The following KIAA0930 variants were observed in gnomAD, a reference collection of about 807,000 sequenced individuals.
KIAA0930 encodes uncharacterized protein KIAA0930.
KIAA0930 carries 24 observed loss-of-function variants against 43.9 expected under a neutral mutation model. The ratio of observed to expected loss-of-function variants is 0.55; its 90% CI spans 0.40 to 0.77. KIAA0930 has a LOEUF of 0.77. Ranked by LOEUF, KIAA0930 falls within the 30% of genes least tolerant of loss-of-function variation. The pLI, the probability that KIAA0930 is intolerant of heterozygous loss-of-function variation, is 0.00. For synonymous variants in KIAA0930, 259 were observed against 216.4 expected (o/e 1.20, Z -1.73); for missense variants, 461 against 574.2 (o/e 0.80, Z 2.02).
intron 1 of KIAA0930, among the ~76,000 whole-genome samples, chr22:45,215,901 G>A (rs558631337): frequency 2.0e-5 from 3 of 152,304 alleles, no homozygotes; most frequent in East Asian, 1.9e-4. Flanking sequence ...GGAGGCGGGT[G>A]CCTGTAGTCC....
In KIAA0930 at chr22:45,194,651, T is replaced by C. The variant is rs1207038776; in HGVS notation, c.*2525A>G. The C allele has an allele frequency of 6.6e-6, 1 of 152,240 alleles. No homozygotes were observed. The highest frequency in any genetic ancestry group is 1.5e-5 in the Non-Finnish European group (1 of 68,046). The allele number at this position is 152,240 out of a possible 1,614,324, so 9.4% of individuals were successfully genotyped here. A position where few individuals can be genotyped will look rare whatever the true frequency, so the allele number is the denominator to read the frequency against. ...TTACTTTATTCCACATGTCATCTGT[T>C]ACTTTGGAAAAACAAACCTGGGAGT... On this transcript the variant is annotated 3_prime_UTR_variant, in exon 10 of 10. Transcript: ENST00000336156.
chr22:45,211,712 G>A (rs930341720), intron 2 of KIAA0930, among the ~76,000 whole-genome samples: 27 of 152,156 alleles, frequency 1.8e-4, no homozygotes, highest in African/African-American at 6.0e-4. Context: ...CGACGGTGAC[G>A]GCAATCACTG....
In KIAA0930 at chr22:45,203,150, G is replaced by A. The variant is rs1240339142; in HGVS notation, c.692C>T (p.Ser231Leu). Residue 231 changes from serine (S) to leucine (L), a missense_variant, in exon 7 of 10, where the codon TCG becomes TTG. By Grantham distance (145) the Ser-to-Leu change is moderately radical. Coordinates refer to ENST00000336156, the MANE Select transcript of KIAA0930 (RefSeq NM_001009880.2). ...SVAARMAQKM[S>L]FGFYKYSNME... ...GTTGCTGTACTTGTAGAAGCCAAAC[G>A]ACATCTTCTGTGCCATGCGGGCGGC... 3.1e-6 allele frequency: 5 copies of A among 1,612,446 alleles called. No homozygotes were observed. Among genetic ancestry groups the A allele is most frequent in the South Asian group, 1.1e-5 (1 of 90,780 alleles).
chr22:45,239,007 A>C (rs1243965858), intron 1 of KIAA0930, among the ~76,000 whole-genome samples: 1 of 152,234 alleles, frequency 6.6e-6, no homozygotes, highest in South Asian at 2.1e-4. Context: ...CCCGGCACAT[A>C]GTAAGTGCTC....
chr22:45,213,069 C>A (rs1739500668), intron 1 of KIAA0930, among the ~76,000 whole-genome samples: 1 of 152,228 alleles, frequency 6.6e-6, no homozygotes, highest in South Asian at 2.1e-4. Flanking sequence ...AGGCACTAAT[C>A]CCGACACTTA....
intron 1 of KIAA0930, among the ~76,000 whole-genome samples, chr22:45,216,495 C>T (rs1425339234): frequency 1.3e-5 from 2 of 152,170 alleles, no homozygotes; most frequent in Admixed American, 1.3e-4. Context: ...GTCAGTGGAT[C>T]CCAAACCTTC....
chr22:45,198,637 G>A (rs986276094), intron 8 of KIAA0930, among the ~76,000 whole-genome samples: 5 of 152,176 alleles, frequency 3.3e-5, no homozygotes, highest in Non-Finnish European at 4.4e-5. Context: ...AGTTGTCAGC[G>A]AATCCTTCAC....
intron 2 of KIAA0930, among the ~76,000 whole-genome samples, chr22:45,206,648 T>C (rs1454983160): frequency 6.6e-6 from 1 of 151,808 alleles, no homozygotes; most frequent in Non-Finnish European, 1.5e-5. Flanking sequence ...AATAAATACA[T>C]ATCAGAGAGA....
At chr22:45,224,957 C>A (rs572217735) in intron 1 of KIAA0930, among the ~76,000 whole-genome samples, 1 of 152,168 alleles carries the variant, frequency 6.6e-6, no homozygotes, top group East Asian at 1.9e-4. Context: ...CGTGGGGTGG[C>A]CTGCAGATGC....
At chr22:45,222,853 T>C (rs1177107987) in intron 1 of KIAA0930, among the ~76,000 whole-genome samples, 1 of 152,130 alleles carries the variant, frequency 6.6e-6, no homozygotes, top group African/African-American at 2.4e-5. Flanking sequence ...TTGACACAAT[T>C]AGAGAAATGT....
rs71190644 is a variant in KIAA0930 at position 45,194,052 on chromosome 22, C to CTTTTTTTTTTT, written c.*3113_*3123dup. On this transcript the variant is annotated 3_prime_UTR_variant, in exon 10 of 10. Transcript: ENST00000336156. ...GGTTTGGGTTTAAAGACCAATGTAT[C>CTTTTTTTTTTT]TTTTTTTTTTTTTTTTTTTTTTTTT... The CTTTTTTTTTTT allele has an allele frequency of 6.8e-4, 30 of 44,346 alleles. 7 individuals carry two copies. The highest frequency in any genetic ancestry group is 7.5e-4 in the East Asian group (1 of 1,332). 2.7% of individuals were successfully genotyped at this position (44,346 alleles called of 1,614,324 possible).
chr22:45,228,741 C>CCAA (rs1555900871), intron 1 of KIAA0930, among the ~76,000 whole-genome samples: 1 of 79,178 alleles, frequency 1.3e-5, no homozygotes, highest in Non-Finnish European at 2.4e-5. Context: ...TCTCCACCCC[C>CCAA]CTACCACCAC....
intron 1 of KIAA0930, among the ~76,000 whole-genome samples, chr22:45,222,495 A>AGAT (rs2083773219): frequency 6.6e-6 from 1 of 152,084 alleles, no homozygotes; most frequent in South Asian, 2.1e-4. Flanking sequence ...TTTTTTGTAG[A>AGAT]GATGAGGTCT....
chr22:45,228,132 G>A (rs2147761584), intron 1 of KIAA0930, among the ~76,000 whole-genome samples: 1 of 152,276 alleles, frequency 6.6e-6, no homozygotes. Flanking sequence ...TGTGGGATGA[G>A]AGGGTTCGAT....
Position 45,240,672 on chromosome 22 carries a change from C to A in KIAA0930, c.32G>T (p.Arg11Leu), listed in dbSNP as rs1404407268. 2 of 1,498,926 alleles carry A rather than the reference C, an allele frequency of 1.3e-6. No individual in the cohort carries two copies. The highest frequency in any genetic ancestry group is 2.4e-5 in the South Asian group (2 of 82,586). 92.9% of individuals were successfully genotyped at this position (1,498,926 alleles called of 1,614,324 possible). ...GCAGACCTCGCGGCGCAGGCTAAGA[C>A]GGCCGCGCTCCTCCGCTATGGCACG... is the stretch of plus-strand genomic sequence containing the variant. MLRAIAEERGRLSLRREVCGL... is the reference protein window; with the variant it reads MLRAIAEERGLLSLRREVCGL... Residue 11 changes from arginine (R) to leucine (L), a missense_variant, in exon 1 of 10, where the codon CGT becomes CTT. Coordinates refer to ENST00000336156, the MANE Select transcript of KIAA0930 (RefSeq NM_001009880.2).
intron 1 of KIAA0930, among the ~76,000 whole-genome samples, chr22:45,221,659 G>A (rs1446786132): frequency 1.3e-5 from 2 of 152,212 alleles, no homozygotes; most frequent in African/African-American, 2.4e-5. Flanking sequence ...ATCAGTACAT[G>A]ACTGGACAGA....
At chr22:45,223,753 C>T (rs12172193) in intron 1 of KIAA0930, among the ~76,000 whole-genome samples, 5,091 of 145,786 alleles carry the variant, frequency 0.035, 124 homozygotes, top group African/African-American at 0.058. Context: ...AGCACTGAGA[C>T]AGCACCCAGG....
At chr22:45,234,516 T>G (rs2083874497) in intron 1 of KIAA0930, among the ~76,000 whole-genome samples, 1 of 152,138 alleles carries the variant, frequency 6.6e-6, no homozygotes, top group South Asian at 2.1e-4. Flanking sequence ...ACAAGCTAAC[T>G]AAAAGGGTTC....
chr22:45,205,944 G>A, intron 2 of KIAA0930, 32 bp from the exon 3 acceptor site: 1 of 1,609,114 alleles, frequency 6.2e-7, no homozygotes, highest in Non-Finnish European at 8.5e-7. Context: ...TGAGTGCCCA[G>A]GGCCCACTGT....
Sources: gnomAD v4.1 joint callset for allele counts (sites outside exome capture counted in the v4.1 genomes callset) on GRCh38, gnomAD v4.1.1 for gene constraint, MANE v1.5 for transcripts, NCBI Gene and HGNC (gene_info 2026-07-23, HGNC 2026-07-21) for gene names.